The following LRP2 variants were observed in gnomAD, a reference collection of about 807,000 sequenced individuals.
The protein encoded by LRP2 is low-density lipoprotein receptor-related protein 2.
A neutral mutation model predicts 531.0 loss-of-function variants in LRP2; 172 were observed. The observed-to-expected ratio is 0.32, with a 90% CI of 0.29 to 0.37. The LOEUF (loss-of-function observed/expected upper bound fraction) is 0.37. LRP2 is among the 10% of genes least tolerant of loss of function. The pLI, the probability that LRP2 is intolerant of heterozygous loss-of-function variation, is 1.00. For synonymous variants in LRP2, 1,992 were observed against 2,027.6 expected (o/e 0.98, Z 0.47); for missense variants, 5,167 against 5,868.3 (o/e 0.88, Z 3.90).
chr2:169,324,684 T>A (rs759794881), intron 1 of LRP2, among the ~76,000 whole-genome samples: 64 of 151,380 alleles, frequency 4.2e-4, no homozygotes, highest in Non-Finnish European at 7.9e-4. Context: ...ATCCCAAGCT[T>A]CCTGGGTAAG....
In LRP2 at chr2:169,314,187, A is replaced by G. The variant is rs1684696928; in HGVS notation, c.310+4575T>C. On this transcript the variant is annotated intron_variant, in intron 3 of 78. Coordinates refer to ENST00000649046, the MANE Select transcript of LRP2 (RefSeq NM_004525.3). ...TGAGGCAAGAAGATCACTTGAGGCC[A>G]AGAATTCAAGACTAGCCTGGGCAAC... Among the ~76,000 whole-genome samples, 5 of 152,182 alleles carry G rather than the reference A, an allele frequency of 3.3e-5. No individual in the cohort carries two copies. In the South Asian group the frequency reaches 1.0e-3, roughly 31 times the overall value.
At chr2:169,273,629 A>G (rs537162649) in intron 14 of LRP2, among the ~76,000 whole-genome samples, 1 of 152,322 alleles carries the variant, frequency 6.6e-6, no homozygotes, top group East Asian at 1.9e-4. Flanking sequence ...AATGTCTGCA[A>G]CACAAACCAG....
At chr2:169,185,464 A>T in intron 50 of LRP2, 39 bp downstream of exon 50, 1 of 1,602,082 alleles carries the variant, frequency 6.2e-7, no homozygotes, top group South Asian at 1.1e-5. Context: ...AGAATTTTTT[A>T]ATTTTTAACT....
intron 1 of LRP2, among the ~76,000 whole-genome samples, chr2:169,324,721 A>G (rs550595967): frequency 1.3e-5 from 2 of 152,198 alleles, no homozygotes; most frequent in African/African-American, 4.8e-5. Flanking sequence ...TGTTAAGATA[A>G]GATATTAGAG....
chr2:169,232,657 G>C (rs1372539795), intron 30 of LRP2, among the ~76,000 whole-genome samples: 1 of 152,100 alleles, frequency 6.6e-6, no homozygotes, highest in African/African-American at 2.4e-5. Flanking sequence ...GTGACATTTG[G>C]GTAGAATCCT....
chr2:169,246,642 T>C, intron 21 of LRP2, 63 bp downstream of exon 21: 1 of 1,579,018 alleles, frequency 6.3e-7, no homozygotes, highest in Non-Finnish European at 8.7e-7. Flanking sequence ...TTTATTTATT[T>C]TCTTTAAAGC....
chr2:169,328,917 C>T (rs1409572955), intron 1 of LRP2, among the ~76,000 whole-genome samples: 1 of 152,228 alleles, frequency 6.6e-6, no homozygotes, highest in Non-Finnish European at 1.5e-5. Flanking sequence ...CTTACATATC[C>T]TCACAACAGC....
intron 16 of LRP2, among the ~76,000 whole-genome samples, chr2:169,268,876 C>T (rs1185769892): frequency 6.6e-6 from 1 of 152,174 alleles, no homozygotes; most frequent in African/African-American, 2.4e-5. Flanking sequence ...CCCAATATCT[C>T]CTTAAGCTGA....
chr2:169,319,027 G>A (rs1684842441), intron 2 of LRP2, 143 bp from the exon 3 acceptor site: 1 of 1,004,120 alleles, frequency 1.0e-6, no homozygotes. Flanking sequence ...TTATACTAGA[G>A]TCTGTGGACG....
rs761150327 is a variant in LRP2, at chr2:169,233,517, C to T, written c.4992G>A (p.Arg1664=). The T allele has an allele frequency of 1.9e-6, 3 of 1,614,088 alleles. No homozygotes were observed. The East Asian group carries it at 6.7e-5, about 36-fold the overall frequency. The part of the protein sequence containing the change: ...SVYWTDRATR[R]VMRANKWHGG... ...CATGCCACTTGTTGGCTCGCATAAC[C>T]CGACGAGTAGCACGGTCAGTCCAGT... Residue 1664 remains arginine, a synonymous_variant, in exon 30 of 79, where the codon CGG becomes CGA. Transcript: ENST00000649046.
chr2:169,150,819 A>T lies in LRP2; in HGVS notation c.12590+79T>A. The T allele has an allele frequency of 2.5e-6, 4 of 1,590,182 alleles. No homozygotes were observed. In the South Asian group the frequency reaches 4.5e-5, roughly 18 times the overall value. Reference sequence around the variant, plus strand: ...GACAATTTCAGTTAAACTAGGAAAAAAAAATTATAAGAAACATGGAATTTG... The same window carrying T: ...GACAATTTCAGTTAAACTAGGAAAATAAAATTATAAGAAACATGGAATTTG... On this transcript the variant is annotated intron_variant, in intron 68 of 78. Coordinates refer to ENST00000649046, the MANE Select transcript of LRP2 (RefSeq NM_004525.3).
intron 25 of LRP2, 24 bp from the exon 26 acceptor site, chr2:169,239,799 GA>G (rs776262940): frequency 6.3e-7 from 1 of 1,594,524 alleles, no homozygotes; most frequent in Non-Finnish European, 8.6e-7. Context: ...AGAGAATAAT[GA>G]AAAAAGAAAA....
intron 64 of LRP2, among the ~76,000 whole-genome samples, chr2:169,156,708 C>T (rs964168828): frequency 9.8e-5 from 15 of 152,294 alleles, no homozygotes; most frequent in African/African-American, 3.4e-4. Context: ...AATAGCAGAG[C>T]ACATTTTCCC....
intron 63 of LRP2, 95 bp from the exon 64 acceptor site, chr2:169,157,597 G>C (rs944585972): frequency 7.1e-7 from 1 of 1,414,640 alleles, no homozygotes; most frequent in Admixed American, 1.8e-5. Flanking sequence ...ACCAACTATA[G>C]GACATCTTGA....
At chr2:169,360,892 G>T (rs1686130543) in intron 1 of LRP2, among the ~76,000 whole-genome samples, 1 of 152,100 alleles carries the variant, frequency 6.6e-6, no homozygotes, top group African/African-American at 2.4e-5. Context: ...AGGAGCTTAC[G>T]CTAAGAATTG....
chr2:169,168,824 G>T (rs1686885468), intron 60 of LRP2, 148 bp from the exon 61 acceptor site: 2 of 837,526 alleles, frequency 2.4e-6, no homozygotes, highest in South Asian at 1.5e-5. Flanking sequence ...CTGTCTGAAA[G>T]TTGAACGGAC....
At chr2:169,233,714 G>A in intron 29 of LRP2, 126 bp from the exon 30 acceptor site, 1 of 888,260 alleles carries the variant, frequency 1.1e-6, no homozygotes, top group South Asian at 1.4e-5. Flanking sequence ...AAAAACACAA[G>A]GAAGTCATTG....
chr2:169,289,371 TAC>T lies in LRP2; in HGVS notation c.923-228_923-227del, dbSNP rs1431986736. Among the ~76,000 whole-genome samples the T allele has an allele frequency of 2.0e-5, 3 of 152,068 alleles. No homozygotes were observed. In the East Asian group the frequency reaches 5.8e-4, roughly 29 times the overall value. Reference sequence around the variant, plus strand: ...TCAAGACCAGCCTGGGTAATGTAGCTACACCTCATATTCACAAAAAATTAAAA... The same window carrying T: ...TCAAGACCAGCCTGGGTAATGTAGCTACCTCATATTCACAAAAAATTAAAA... On this transcript the variant is annotated intron_variant, in intron 8 of 78. Coordinates refer to ENST00000649046, the MANE Select transcript of LRP2 (RefSeq NM_004525.3).
rs370721023 is a variant in LRP2 at position 169,259,009 on chromosome 2, A to C, written c.2513+16T>G. On this transcript the variant is annotated intron_variant, in intron 17 of 78. Coordinates refer to ENST00000649046, the MANE Select transcript of LRP2 (RefSeq NM_004525.3). Reference sequence around the variant, plus strand: ...CATACAGTTTCAAGCTCTTAGGAAAACATGAACACACTTACCCGGCAAAAG... The same window carrying C: ...CATACAGTTTCAAGCTCTTAGGAAACCATGAACACACTTACCCGGCAAAAG... 4 of 1,611,916 alleles carry C rather than the reference A, an allele frequency of 2.5e-6. No homozygotes were observed. Among genetic ancestry groups the C allele is most frequent in the Non-Finnish European group, 3.4e-6 (4 of 1,178,428 alleles).
Sources: gnomAD v4.1 joint callset for allele counts (sites outside exome capture counted in the v4.1 genomes callset) on GRCh38, gnomAD v4.1.1 for gene constraint, MANE v1.5 for transcripts, NCBI Gene and HGNC (gene_info 2026-07-23, HGNC 2026-07-21) for gene names.